Variants in RGSL1 observed in about 807,000 individuals in gnomAD.
The protein encoded by RGSL1 is regulator of G protein signaling protein-like.
Under a neutral mutation model 124.7 loss-of-function variants are expected in RGSL1, and 97 were observed. The observed-to-expected ratio is 0.78, with a 90% CI of 0.66 to 0.92. The LOEUF (loss-of-function observed/expected upper bound fraction) is 0.92. Ranked by LOEUF, RGSL1 falls within the 40% of genes least tolerant of loss-of-function variation. The probability of loss-of-function intolerance (pLI) is 0.00; values close to 1 mark genes in which losing one functional copy is unlikely to be tolerated. For synonymous variants in RGSL1, 424 were observed against 438.1 expected (o/e 0.97, Z 0.40); for missense variants, 1,233 against 1,288.4 (o/e 0.96, Z 0.66).
At chr1:182,534,570 G>A (rs188144911) in intron 14 of RGSL1, among the ~76,000 whole-genome samples, 121 of 152,326 alleles carry the variant, frequency 7.9e-4, no homozygotes, top group African/African-American at 2.8e-3. Flanking sequence ...GCTTACGCCT[G>A]TAATCTCAGT....
chr1:182,473,225 C>T (rs1653992536), intron 5 of RGSL1, among the ~76,000 whole-genome samples: 3 of 152,188 alleles, frequency 2.0e-5, no homozygotes, highest in African/African-American at 7.2e-5. Flanking sequence ...CCAGTCCAAA[C>T]CTCTTCATCA....
chr1:182,498,796 G>GT (rs11403995), intron 9 of RGSL1, among the ~76,000 whole-genome samples: 116,993 of 146,348 alleles, frequency 0.8, 47,082 homozygotes, highest in Non-Finnish European at 0.84. Flanking sequence ...TCCTTTGTTT[G>GT]TTTGTTTTTT....
chr1:182,466,320 C>T (rs147832524), intron 4 of RGSL1, among the ~76,000 whole-genome samples: 6 of 151,988 alleles, frequency 3.9e-5, no homozygotes, highest in Non-Finnish European at 5.9e-5. Context: ...CAGAGCAATT[C>T]GGCCAAAAGA....
chr1:182,527,401 A>C (rs1333359912), intron 10 of RGSL1, among the ~76,000 whole-genome samples, 178 bp from the exon 11 acceptor site: 2 of 152,210 alleles, frequency 1.3e-5, no homozygotes, highest in African/African-American at 4.8e-5. Flanking sequence ...AATGGTACAT[A>C]AAAGTTCAAG....
At chr1:182,477,678 G>T (rs994017451) in intron 6 of RGSL1, among the ~76,000 whole-genome samples, 1 of 152,120 alleles carries the variant, frequency 6.6e-6, no homozygotes. Flanking sequence ...TTTGAACCAG[G>T]CTCTAACTCC....
intron 10 of RGSL1, 41 bp downstream of exon 10, chr1:182,522,150 A>G (rs1362043638): frequency 5.0e-6 from 7 of 1,399,390 alleles, no homozygotes; most frequent in East Asian, 2.5e-5. Context: ...CTTCAGGTAC[A>G]TGCTTTTGAA....
intron 4 of RGSL1, among the ~76,000 whole-genome samples, chr1:182,461,046 T>A (rs563451042): frequency 6.6e-6 from 1 of 152,322 alleles, no homozygotes; most frequent in Non-Finnish European, 1.5e-5. Context: ...ATTGTTATAC[T>A]TTCCCTTTGT....
intron 3 of RGSL1, among the ~76,000 whole-genome samples, chr1:182,458,621 G>T (rs1469536128): frequency 6.6e-6 from 1 of 151,980 alleles, no homozygotes; most frequent in Non-Finnish European, 1.5e-5. Context: ...ACAGGCACAT[G>T]CCACTGTGCC....
chr1:182,470,790 AGAAT>A (rs1463009595), intron 4 of RGSL1, among the ~76,000 whole-genome samples: 1 of 152,224 alleles, frequency 6.6e-6, no homozygotes, highest in African/African-American at 2.4e-5. Context: ...ATGTACTGAA[AGAAT>A]GAATGAATAA....
intron 3 of RGSL1, 33 bp downstream of exon 3, chr1:182,458,426 G>A: frequency 6.8e-7 from 1 of 1,481,408 alleles, no homozygotes; most frequent in Non-Finnish European, 9.2e-7. Context: ...AGAGAGTTTA[G>A]GGTGGAGAAT....
intron 9 of RGSL1, among the ~76,000 whole-genome samples, chr1:182,500,655 CTTCT>C (rs1270603305): frequency 6.6e-6 from 1 of 151,996 alleles, no homozygotes; most frequent in South Asian, 2.1e-4. Flanking sequence ...TTCTTTAAGT[CTTCT>C]TTAATTTCTC....
chr1:182,555,787 A>G (rs1660831189), intron 20 of RGSL1: 2 of 522,740 alleles, frequency 3.8e-6, no homozygotes, highest in Non-Finnish European at 3.4e-6. Flanking sequence ...TGCCCAGAAG[A>G]CAAACCAGAT....
At chr1:182,490,190 T>C (rs1241454410) in intron 8 of RGSL1, among the ~76,000 whole-genome samples, 1 of 152,228 alleles carries the variant, frequency 6.6e-6, no homozygotes, top group African/African-American at 2.4e-5. Context: ...AGTCATGACC[T>C]ACACTTTGAA....
chr1:182,545,855 C>T (rs943958520), intron 15 of RGSL1, among the ~76,000 whole-genome samples: 4 of 152,060 alleles, frequency 2.6e-5, no homozygotes, highest in Non-Finnish European at 5.9e-5. Flanking sequence ...TCTCTCTGTC[C>T]TCGACCTTTA....
chr1:182,489,641 C>T (rs74128933), intron 8 of RGSL1, among the ~76,000 whole-genome samples: 4,444 of 152,330 alleles, frequency 0.029, 234 homozygotes, highest in African/African-American at 0.1. Flanking sequence ...CCTAACATAA[C>T]ACACCAGCCC....
chr1:182,454,369 G>A (rs1652106993), intron 2 of RGSL1, among the ~76,000 whole-genome samples: 1 of 152,026 alleles, frequency 6.6e-6, no homozygotes, highest in Non-Finnish European at 1.5e-5. Context: ...GGTACCCCTG[G>A]CATTCCCCCA....
At chr1:182,520,622 T>G (rs77949955) in intron 9 of RGSL1, among the ~76,000 whole-genome samples, 1 of 152,196 alleles carries the variant, frequency 6.6e-6, no homozygotes, top group African/African-American at 2.4e-5. Context: ...AAATTTACTT[T>G]CACTTTGAAA....
rs1271529000 is a variant in RGSL1 at position 182,542,267 on chromosome 1, A to G, written c.2669+1846A>G. On this transcript the variant is annotated intron_variant, in intron 15 of 21. Coordinates refer to ENST00000294854, the MANE Select transcript of RGSL1 (RefSeq NM_001137669.2). ...TGGTGAGAGATAGGTGTCTGGTTTCATTCTGCTGCATATGGACATTCAGTT... is the reference window on the plus strand; with the variant it reads ...TGGTGAGAGATAGGTGTCTGGTTTCGTTCTGCTGCATATGGACATTCAGTT... 2.0e-5 allele frequency among the ~76,000 whole-genome samples: 3 copies of G among 152,182 alleles called. No individual in the cohort carries two copies. The East Asian group carries it at 5.8e-4, about 29-fold the overall frequency.
At chr1:182,460,877 C>T (rs1652773306) in intron 4 of RGSL1, 6 of 380,664 alleles carry the variant, frequency 1.6e-5, no homozygotes, top group South Asian at 1.2e-4. Context: ...AGCTACTTAC[C>T]CTCAACCCCA....
Sources: allele counts gnomAD v4.1 joint callset (sites outside exome capture counted in the v4.1 genomes callset), GRCh38; gene constraint gnomAD v4.1.1; transcripts MANE v1.5; gene names NCBI Gene and HGNC (gene_info 2026-07-23, HGNC 2026-07-21).